Variants in RBFOX1 observed in about 807,000 individuals in gnomAD.
RBFOX1 encodes RNA binding protein fox-1 homolog 1.
A neutral mutation model predicts 57.7 loss-of-function variants in RBFOX1; 8 were observed. That is an observed-to-expected ratio of 0.14 (90% CI 0.08 to 0.25). RBFOX1 has a LOEUF of 0.25. Ranked by LOEUF, RBFOX1 falls within the 10% of genes least tolerant of loss-of-function variation. The pLI, the probability that RBFOX1 is intolerant of heterozygous loss-of-function variation, is 1.00. For synonymous variants in RBFOX1, 326 were observed against 222.4 expected (o/e 1.47, Z -4.15); for missense variants, 611 against 548.5 (o/e 1.11, Z -1.14).
At position 7,077,539 on chromosome 16, in the gene RBFOX1, T is replaced by C. The variant is rs529164054; in HGVS notation, c.27+25441T>C. ...TATGGTACAGTGAAATGCTGGTATT[T>C]GCAGCCTGTCATCATATTAGTACAA... On this transcript the variant is annotated intron_variant, in intron 4 of 15. Transcript: ENST00000550418. Among the ~76,000 whole-genome samples the C allele has an allele frequency of 2.0e-5, 3 of 152,360 alleles. No individual in the cohort carries two copies. The East Asian group carries it at 5.8e-4, about 29-fold the overall frequency.
chr16:5,360,204 C>A (rs978605830), intron 1 of RBFOX1, among the ~76,000 whole-genome samples: 1 of 152,210 alleles, frequency 6.6e-6, no homozygotes, highest in African/African-American at 2.4e-5. Context: ...CAGGCCTGGG[C>A]AGAGTTCTGC....
Position 7,692,191 on chromosome 16 carries a change from G to C in RBFOX1, c.995+15353G>C, listed in dbSNP as rs375137245. Among the ~76,000 whole-genome samples, 148 of 152,218 alleles carry C rather than the reference G, an allele frequency of 9.7e-4. 1 individual carries two copies. The highest frequency in any genetic ancestry group is 3.5e-3 in the African/African-American group (146 of 41,542). On this transcript the variant is annotated intron_variant, in intron 14 of 15. Transcript: ENST00000550418. ...TAAGGAAAGTGATAAACTTAGTTGTGACTTGTTATGTAGGAGAAAAGTACT... is the reference window on the plus strand; with the variant it reads ...TAAGGAAAGTGATAAACTTAGTTGTCACTTGTTATGTAGGAGAAAAGTACT...
In RBFOX1 at chr16:7,712,940, G is replaced by A. The variant is rs2084212172; in HGVS notation, c.*2195G>A. On this transcript the variant is annotated 3_prime_UTR_variant, in exon 16 of 16. Coordinates refer to ENST00000550418, the MANE Select transcript of RBFOX1 (RefSeq NM_018723.4). ...CAGTTTTGATTTTCATCAATGAGCT[G>A]TACTTTCCCCCATGACTGTATGTAG... The A allele has an allele frequency of 1.3e-5, 2 of 152,198 alleles. No individual in the cohort carries two copies. Among genetic ancestry groups the A allele is most frequent in the African/African-American group, 2.4e-5 (1 of 41,452 alleles). 9.4% of individuals were successfully genotyped at this position (152,198 alleles called of 1,614,324 possible).
intron 3 of RBFOX1, among the ~76,000 whole-genome samples, chr16:6,965,821 A>G (rs1016821060): frequency 1.3e-5 from 2 of 152,278 alleles, no homozygotes; most frequent in South Asian, 2.1e-4. Flanking sequence ...TTTAATCTGT[A>G]CTGAAATAGG....
rs539782627 is a variant in RBFOX1 at position 7,235,986 on chromosome 16, G to T, written c.27+183888G>T. Among the ~76,000 whole-genome samples the T allele has an allele frequency of 5.3e-5, 8 of 152,228 alleles. No homozygotes were observed. The South Asian group carries it at 1.7e-3, about 32-fold the overall frequency. Reference sequence around the variant, plus strand: ...GGTGCATTTTCTGGCTTGCACCATTGCTGATTAGTAACTAGAGAGATTTAA... The same window carrying T: ...GGTGCATTTTCTGGCTTGCACCATTTCTGATTAGTAACTAGAGAGATTTAA... On this transcript the variant is annotated intron_variant, in intron 4 of 15. Transcript: ENST00000550418.
chr16:6,900,236 G>T (rs890968752), intron 3 of RBFOX1, among the ~76,000 whole-genome samples: 1 of 152,130 alleles, frequency 6.6e-6, no homozygotes, highest in Non-Finnish European at 1.5e-5. Context: ...ATTTAAGCAC[G>T]TTCAAACATC....
intron 1 of RBFOX1, among the ~76,000 whole-genome samples, chr16:6,137,812 T>C (rs567680917): frequency 3.7e-4 from 57 of 152,096 alleles, no homozygotes; most frequent in Non-Finnish European, 7.4e-4. Context: ...TCCCACTATG[T>C]TGTCCAGGCT....
chr16:6,913,501 C>A (rs1187013193), intron 3 of RBFOX1, among the ~76,000 whole-genome samples: 1 of 152,134 alleles, frequency 6.6e-6, no homozygotes, highest in Non-Finnish European at 1.5e-5. Context: ...AACCCTCGGC[C>A]CCATCATCTG....
intron 4 of RBFOX1, among the ~76,000 whole-genome samples, chr16:7,079,544 T>C (rs975185075): frequency 6.6e-6 from 1 of 152,166 alleles, no homozygotes; most frequent in African/African-American, 2.4e-5. Context: ...CTTGGAGTAT[T>C]TAGAGGTGGT....
chr16:5,517,011 T>C (rs1327262989), intron 2 of RBFOX1, among the ~76,000 whole-genome samples: 2 of 152,046 alleles, frequency 1.3e-5, no homozygotes, highest in Non-Finnish European at 2.9e-5. Context: ...TTTTTTTTTT[T>C]CAATCAAAAG....
At chr16:7,661,750 G>A (rs2067804992) in intron 12 of RBFOX1, among the ~76,000 whole-genome samples, 1 of 152,180 alleles carries the variant, frequency 6.6e-6, no homozygotes, top group African/African-American at 2.4e-5. Flanking sequence ...CAGAGAAATA[G>A]TATGTATTTG....
intron 1 of RBFOX1, among the ~76,000 whole-genome samples, chr16:5,441,483 G>C (rs1283103419): frequency 1.3e-5 from 2 of 150,682 alleles, no homozygotes; most frequent in East Asian, 2.0e-4. Flanking sequence ...TCCTGCCTCA[G>C]CCTCCCAAGT....
chr16:6,223,745 C>G (rs1376542141), intron 1 of RBFOX1, among the ~76,000 whole-genome samples: 1 of 152,146 alleles, frequency 6.6e-6, no homozygotes, highest in Non-Finnish European at 1.5e-5. Flanking sequence ...GTTGCCATTG[C>G]TTTTGGTGTT....
intron 1 of RBFOX1, among the ~76,000 whole-genome samples, chr16:6,221,911 G>C (rs2097376138): frequency 1.3e-5 from 2 of 152,092 alleles, no homozygotes; most frequent in Non-Finnish European, 2.9e-5. Context: ...AATTTGGGTG[G>C]GGACACAGCC....
chr16:6,557,050 TATATACATATATAC>T (rs2097111401), intron 2 of RBFOX1, among the ~76,000 whole-genome samples: 2 of 146,420 alleles, frequency 1.4e-5, no homozygotes, highest in African/African-American at 5.0e-5. Flanking sequence ...TATATACATA[TATATACATATATAC>T]ATACATATAT....
rs1377952862 is a variant in RBFOX1 at position 6,780,462 on chromosome 16, ATATT to A, written c.-16+125816_-16+125819del. 3.1e-3 allele frequency among the ~76,000 whole-genome samples: 336 copies of A among 107,484 alleles called. 6 individuals carry two copies. Among genetic ancestry groups the A allele is most frequent in the African/African-American group, 0.012 (302 of 24,922 alleles). 70.5% of individuals were successfully genotyped at this position (107,484 alleles called of 152,430 possible). A position where few individuals can be genotyped will look rare whatever the true frequency, so the allele number is the denominator to read the frequency against. On this transcript the variant is annotated intron_variant, in intron 3 of 15. Transcript: ENST00000550418. The stretch of plus-strand genomic sequence containing the variant: ...TATATTTATATATACATTTTTATAT[ATATT>A]TATATACATTTTTATATATATTTAT...
chr16:6,034,851 G>C (rs560508242), intron 1 of RBFOX1, among the ~76,000 whole-genome samples: 2 of 152,102 alleles, frequency 1.3e-5, no homozygotes, highest in South Asian at 2.1e-4. Flanking sequence ...TGGGGGCTGA[G>C]AGACCTCAGG....
At chr16:7,684,888 A>AT (rs1473512975) in intron 14 of RBFOX1, among the ~76,000 whole-genome samples, 3 of 152,002 alleles carry the variant, frequency 2.0e-5, no homozygotes, top group African/African-American at 7.2e-5. Context: ...TTTCCCCACT[A>AT]TTTTTGTTTT....
At chr16:7,604,694 C>T (rs959830698) in intron 9 of RBFOX1, among the ~76,000 whole-genome samples, 2 of 152,064 alleles carry the variant, frequency 1.3e-5, no homozygotes, top group African/African-American at 4.8e-5. Flanking sequence ...CCTCAAATGC[C>T]TCTGAGAGAT....
Sources: allele counts gnomAD v4.1 joint callset (sites outside exome capture counted in the v4.1 genomes callset), GRCh38; gene constraint gnomAD v4.1.1; transcripts MANE v1.5; gene names NCBI Gene and HGNC (gene_info 2026-07-23, HGNC 2026-07-21).